Variants in PKN2 observed in about 807,000 individuals in gnomAD.
PKN2 encodes serine/threonine-protein kinase N2.
In PKN2, 38 loss-of-function variants were observed where a neutral mutation model predicts 119.1. The observed-to-expected ratio is 0.32, with a 90% CI of 0.25 to 0.42. PKN2 has a LOEUF of 0.42. Among genes scored for constraint, PKN2 ranks in the 10% least tolerant of loss-of-function variants. The pLI is 1.00. For missense variants in PKN2, 850 were observed against 1,165.1 expected, an observed-to-expected ratio of 0.73 and a Z score of 3.94; for synonymous variants, 390 against 384.9, an observed-to-expected ratio of 1.01 and a Z score of -0.15.
At position 88,684,532 on chromosome 1, in the gene PKN2, C is replaced by G; in HGVS notation, c.-49C>G. ...CCCCGAGCCCCGTCCCGCCTTCTCC[C>G]TTCGCCAGAGGCGGCCGCGTCCAGG... On this transcript the variant is annotated 5_prime_UTR_variant, in exon 1 of 22. Coordinates refer to ENST00000370521, the MANE Select transcript of PKN2 (RefSeq NM_006256.4). The G allele has an allele frequency of 6.5e-7, 1 of 1,527,480 alleles. No individual in the cohort carries two copies. Among genetic ancestry groups the G allele is most frequent in the Non-Finnish European group, 8.8e-7 (1 of 1,133,644 alleles). The allele number at this position is 1,527,480 out of a possible 1,614,324, so 94.6% of individuals were successfully genotyped here. A position where few individuals can be genotyped will look rare whatever the true frequency, so the allele number is the denominator to read the frequency against.
rs868792109 is a variant in PKN2 at position 88,804,430 on chromosome 1, C to T, written c.1321C>T (p.Arg441Trp). Residue 441 changes from arginine (R) to tryptophan (W), a missense_variant, in exon 9 of 22, where the codon CGG becomes TGG. Arg to Trp is a moderately radical substitution (Grantham distance 101). Transcript: ENST00000370521. ...LEISVYWRDW[R>W]SLCAVKFLRL... ...AATTTCAGTTTATTGGCGTGATTGG[C>T]GGTCTCTGTGTGCTGTAAAATTTCT... is the stretch of plus-strand genomic sequence containing the variant. The T allele has an allele frequency of 6.2e-7, 1 of 1,612,026 alleles. No homozygotes were observed. The highest frequency in any genetic ancestry group is 8.5e-7 in the Non-Finnish European group (1 of 1,178,836).
chr1:88,813,435 G>A (rs1671859302), intron 15 of PKN2, 122 bp from the exon 16 acceptor site: 2 of 639,686 alleles, frequency 3.1e-6, no homozygotes, highest in Non-Finnish European at 5.1e-6. Flanking sequence ...TAAGACACAT[G>A]TTAGGATTTT....
At chr1:88,722,068 T>G (rs1667702196) in intron 1 of PKN2, among the ~76,000 whole-genome samples, 1 of 152,138 alleles carries the variant, frequency 6.6e-6, no homozygotes, top group African/African-American at 2.4e-5. Flanking sequence ...TGCTCTAGAG[T>G]CATTGGTAGG....
At chr1:88,827,753 C>CT (rs1170533152) in intron 18 of PKN2, among the ~76,000 whole-genome samples, 1 of 150,536 alleles carries the variant, frequency 6.6e-6, no homozygotes, top group African/African-American at 2.4e-5. Flanking sequence ...GAGTTTTGCT[C>CT]TTGTCACCCA....
intron 1 of PKN2, among the ~76,000 whole-genome samples, chr1:88,739,325 T>C (rs556684720): frequency 6.6e-6 from 1 of 151,264 alleles, no homozygotes; most frequent in East Asian, 1.9e-4. Flanking sequence ...AAAAAAGAGA[T>C]TTATAGAAAT....
In PKN2 at chr1:88,773,607, G is replaced by C. The variant is rs148395644; in HGVS notation, c.985+1728G>C. Among the ~76,000 whole-genome samples the C allele has an allele frequency of 1.4e-3, 212 of 152,192 alleles. 1 individual carries two copies. Among genetic ancestry groups the C allele is most frequent in the African/African-American group, 4.9e-3 (205 of 41,538 alleles). The stretch of plus-strand genomic sequence containing the variant: ...CCTCCACATCTGACCAGTGTTTGCT[G>C]TTTATTTAATAGTTTAAGACAGTTA... On this transcript the variant is annotated intron_variant, in intron 6 of 21. Coordinates refer to ENST00000370521, the MANE Select transcript of PKN2 (RefSeq NM_006256.4).
intron 1 of PKN2, among the ~76,000 whole-genome samples, chr1:88,714,680 G>A (rs1367903313): frequency 2.6e-5 from 4 of 152,138 alleles, no homozygotes; most frequent in African/African-American, 7.2e-5. Context: ...GGGCTGAGAC[G>A]ATGGGGTTTT....
rs1672430453 is a variant in PKN2 at position 88,824,760 on chromosome 1, AAAAT to A, written c.2419+380_2419+383del. 7.2e-5 allele frequency among the ~76,000 whole-genome samples: 11 copies of A among 152,376 alleles called. No individual in the cohort carries two copies. In the South Asian group the frequency reaches 2.3e-3, roughly 32 times the overall value. ...TTAAAGTTGAAACATTTAAAAATAG[AAAAT>A]AAATAGAGATAGGTATCTCATGTAT... On this transcript the variant is annotated intron_variant, in intron 18 of 21. Coordinates refer to ENST00000370521, the MANE Select transcript of PKN2 (RefSeq NM_006256.4).
intron 15 of PKN2, among the ~76,000 whole-genome samples, chr1:88,809,524 A>C (rs901864606): frequency 6.6e-6 from 1 of 152,178 alleles, no homozygotes; most frequent in African/African-American, 2.4e-5. Flanking sequence ...CTTTGTGCTG[A>C]ATCTTTGTAG....
At chr1:88,714,751 G>C (rs1299806701) in intron 1 of PKN2, among the ~76,000 whole-genome samples, 4 of 152,052 alleles carry the variant, frequency 2.6e-5, no homozygotes, top group Non-Finnish European at 5.9e-5. Flanking sequence ...TTTCCTAATT[G>C]AATACCCTTT....
chr1:88,707,915 A>G (rs534283111), intron 1 of PKN2, among the ~76,000 whole-genome samples: 2 of 152,218 alleles, frequency 1.3e-5, no homozygotes, highest in South Asian at 2.1e-4. Context: ...ATTCAAATTA[A>G]TATGGTTCTT....
intron 6 of PKN2, among the ~76,000 whole-genome samples, chr1:88,776,385 A>C (rs1006787327): frequency 6.6e-5 from 10 of 151,214 alleles, no homozygotes; most frequent in African/African-American, 2.4e-4. Context: ...TCTTTTTTTG[A>C]ATGATAGTTT....
chr1:88,751,829 A>G (rs1669012045), intron 2 of PKN2, among the ~76,000 whole-genome samples: 1 of 152,122 alleles, frequency 6.6e-6, no homozygotes. Flanking sequence ...TCCCCTTTAT[A>G]TACAATTCTA....
chr1:88,687,414 CTTTT>C (rs1465333599), intron 1 of PKN2, among the ~76,000 whole-genome samples: 1 of 152,032 alleles, frequency 6.6e-6, no homozygotes. Context: ...GTTGTATTCT[CTTTT>C]TTTATTTGAA....
chr1:88,699,738 C>T (rs927197836), intron 1 of PKN2, among the ~76,000 whole-genome samples: 2 of 151,502 alleles, frequency 1.3e-5, no homozygotes, highest in Non-Finnish European at 2.9e-5. Flanking sequence ...CCATCCATGT[C>T]CCTGCAAAGG....
At position 88,807,535 on chromosome 1, in the gene PKN2, G is replaced by C. The variant is rs1427313267; in HGVS notation, c.1941G>C (p.Gln647His). 1.2e-6 allele frequency: 2 copies of C among 1,611,466 alleles called. No homozygotes were observed. Among genetic ancestry groups the C allele is most frequent in the South Asian group, 1.1e-5 (1 of 90,742 alleles). The change falls in exon 14 of 22, where the codon CAG becomes CAC. Residue 647 changes from glutamine (Q) to histidine (H), a missense_variant. By Grantham distance (24) the Gln-to-His change is conservative. Coordinates refer to ENST00000370521, the MANE Select transcript of PKN2 (RefSeq NM_006256.4). ...TTGAAATTTCTCTTTTCAGATCTCA[G>C]CAAAGGTTTCAGTTTAATCTACAAG... ...GIQELEDRRS[Q>H]QRFQFNLQDF...
intron 1 of PKN2, among the ~76,000 whole-genome samples, chr1:88,694,245 A>C (rs1454129117): frequency 6.6e-6 from 1 of 152,178 alleles, no homozygotes; most frequent in African/African-American, 2.4e-5. Flanking sequence ...GTGTCCCTGC[A>C]CTAAGCTTAT....
At chr1:88,692,683 A>G (rs1314552351) in intron 1 of PKN2, among the ~76,000 whole-genome samples, 1 of 151,952 alleles carries the variant, frequency 6.6e-6, no homozygotes, top group African/African-American at 2.4e-5. Flanking sequence ...ATTCCTATTT[A>G]TGTCTCTTGC....
chr1:88,833,209 CAAACT>C (rs57666012), intron 21 of PKN2, 31 bp from the exon 22 acceptor site: 16,099 of 1,609,452 alleles, frequency 0.01, 243 homozygotes, highest in South Asian at 0.06. Flanking sequence ...TTAGATTTAA[CAAACT>C]AAACTAGTCA....
Sources: allele counts gnomAD v4.1 joint callset (sites outside exome capture counted in the v4.1 genomes callset), GRCh38; gene constraint gnomAD v4.1.1; transcripts MANE v1.5; gene names NCBI Gene and HGNC (gene_info 2026-07-23, HGNC 2026-07-21).